The following DPYSL4 variants were observed in gnomAD, a reference collection of about 807,000 sequenced individuals.
DPYSL4 encodes the protein dihydropyrimidinase like 4.
DPYSL4 carries 43 observed loss-of-function variants against 63.4 expected under a neutral mutation model. The observed-to-expected ratio is 0.68, with a 90% confidence interval of 0.53 to 0.88. The LOEUF (loss-of-function observed/expected upper bound fraction) is 0.88. Among genes scored for constraint, DPYSL4 ranks in the 40% least tolerant of loss-of-function variants. The pLI, the probability that DPYSL4 is intolerant of heterozygous loss-of-function variation, is 0.00. For missense variants in DPYSL4, 733 were observed against 819.5 expected (o/e 0.89, Z 1.29); for synonymous variants, 353 against 331.7 (o/e 1.06, Z -0.70).
Position 132,187,854 on chromosome 10 carries a change from G to C in DPYSL4, c.39+752G>C, listed in dbSNP as rs556131496. 3.3e-4 allele frequency among the ~76,000 whole-genome samples: 50 copies of C among 152,308 alleles called. No homozygotes were observed. In the South Asian group the frequency reaches 3.9e-3, roughly 12 times the overall value. On this transcript the variant is annotated intron_variant, in intron 1 of 13. Coordinates refer to ENST00000338492, the MANE Select transcript of DPYSL4 (RefSeq NM_006426.3). The stretch of plus-strand genomic sequence containing the variant: ...AGAAACAAAGCCTCCCCGCTCGGGC[G>C]GGGGGAGATGGGGGTGGGAGGAAGG...
Position 132,196,871 on chromosome 10 carries a change from C to T in DPYSL4, c.489C>T (p.Ser163=), listed in dbSNP as rs1272409068. 2 of 1,613,648 alleles carry T rather than the reference C, an allele frequency of 1.2e-6. No homozygotes were observed. Among genetic ancestry groups the T allele is most frequent in the Admixed American group, 1.7e-5 (1 of 60,010 alleles). ...CTGCCTCTTCTCCAGGTGTGAACTC[C>T]TTCCTGGTCTTCATGGCATACAAGG... ...EALVKEKGVN[S]FLVFMAYKDR... Residue 163 remains serine, a synonymous_variant, in exon 5 of 14, where the codon TCC becomes TCT. Transcript: ENST00000338492.
rs114445641 is a variant in DPYSL4, at chr10:132,200,308, G to C, written c.812-48G>C. The C allele has an allele frequency of 2.0e-3, 3,178 of 1,605,830 alleles. 48 individuals carry two copies. In the African/African-American group the frequency reaches 0.03, roughly 15 times the overall value. On this transcript the variant is annotated intron_variant, in intron 8 of 13. Transcript: ENST00000338492. ...GCAGCAGCAGTTCTCGGGGCCCCAG[G>C]GGGTGCAGGTGGTCGGTGGGGCACC... is the stretch of plus-strand genomic sequence containing the variant.
intron 4 of DPYSL4, among the ~76,000 whole-genome samples, chr10:132,196,159 G>GGTGACAA (rs2061941132): frequency 6.6e-6 from 1 of 152,246 alleles, no homozygotes; most frequent in African/African-American, 2.4e-5. Flanking sequence ...AGATGCCATG[G>GGTGACAA]GTTGGGTGGG....
chr10:132,187,220 G>A (rs1007697962), intron 1 of DPYSL4, 118 bp downstream of exon 1: 15 of 673,654 alleles, frequency 2.2e-5, no homozygotes, highest in Non-Finnish European at 3.3e-5. Context: ...TTTGCGTCTG[G>A]TCCCTGTCCT....
At chr10:132,201,741 C>T (rs1239389472) in intron 10 of DPYSL4, among the ~76,000 whole-genome samples, 1 of 152,098 alleles carries the variant, frequency 6.6e-6, no homozygotes, top group African/African-American at 2.4e-5. Flanking sequence ...TGTGGGGTCC[C>T]AGCGGTCCAG....
In DPYSL4 at chr10:132,204,228, G is replaced by T. The variant is rs564093968; in HGVS notation, c.1627+301G>T. Among the ~76,000 whole-genome samples, 5 of 152,310 alleles carry T rather than the reference G, an allele frequency of 3.3e-5. No homozygotes were observed. The East Asian group carries it at 9.6e-4, about 29-fold the overall frequency. On this transcript the variant is annotated intron_variant, in intron 13 of 13. Transcript: ENST00000338492. ...AGTGAGCATGGATCCAGCCTCAGGGGAGGTGGGAGGCCTTGACGAGGATCT... is the reference window on the plus strand; with the variant it reads ...AGTGAGCATGGATCCAGCCTCAGGGTAGGTGGGAGGCCTTGACGAGGATCT...
In DPYSL4 at chr10:132,200,363, C is replaced by T. The variant is rs201859563; in HGVS notation, c.819C>T (p.Val273=). Residue 273 remains valine, a synonymous_variant, in exon 9 of 14, where the codon GTC becomes GTT. Transcript: ENST00000338492. The part of the protein sequence containing the change: ...AIAQAKRRGV[V]VFGEPITASL... ...ATGGGCCTCGTGCTGCAGGGGTGGT[C>T]GTGTTTGGGGAGCCCATCACCGCCA... is the stretch of plus-strand genomic sequence containing the variant. 5.3e-5 allele frequency: 86 copies of T among 1,613,168 alleles called. 1 individual carries two copies. The highest frequency in any genetic ancestry group is 7.0e-5 in the Non-Finnish European group (82 of 1,179,840).
intron 1 of DPYSL4, among the ~76,000 whole-genome samples, chr10:132,188,024 T>C (rs1238500425): frequency 6.6e-6 from 1 of 152,036 alleles, no homozygotes; most frequent in Non-Finnish European, 1.5e-5. Context: ...TCCCCCAGAC[T>C]CTGAGCGAGG....
At chr10:132,198,616 G>T in intron 7 of DPYSL4, 133 bp downstream of exon 7, 1 of 1,075,838 alleles carries the variant, frequency 9.3e-7, no homozygotes, top group Non-Finnish European at 1.3e-6. Context: ...TGGGAGGCGT[G>T]AATCCTCCCC....
chr10:132,199,728 G>A (rs1191386862), intron 8 of DPYSL4, among the ~76,000 whole-genome samples: 1 of 152,030 alleles, frequency 6.6e-6, no homozygotes, highest in Non-Finnish European at 1.5e-5. Context: ...CCTTCTATGT[G>A]TTTCCTGCAT....
intron 13 of DPYSL4, 30 bp from the exon 14 acceptor site, chr10:132,204,809 C>G (rs1469390131): frequency 1.9e-6 from 3 of 1,574,094 alleles, no homozygotes; most frequent in Non-Finnish European, 2.6e-6. Context: ...CTGCCTCATT[C>G]TCCCCTGCCC....
intron 2 of DPYSL4, among the ~76,000 whole-genome samples, chr10:132,191,814 A>G (rs4880344): frequency 0.24 from 11,953 of 50,848 alleles, 1,416 homozygotes; most frequent in East Asian, 0.71. Context: ...GTGTGTACAC[A>G]CTGGTCACGT....
intron 1 of DPYSL4, among the ~76,000 whole-genome samples, chr10:132,188,918 C>T (rs1025345300): frequency 6.6e-6 from 1 of 152,172 alleles, no homozygotes; most frequent in African/African-American, 2.4e-5. Flanking sequence ...CATAGTCTGC[C>T]AACCGTTTGT....
At chr10:132,187,886 C>G (rs2061826683) in intron 1 of DPYSL4, among the ~76,000 whole-genome samples, 1 of 152,164 alleles carries the variant, frequency 6.6e-6, no homozygotes, top group Non-Finnish European at 1.5e-5. Flanking sequence ...AAGGAGGCTT[C>G]GGGACCCGGC....
In DPYSL4 at chr10:132,200,438, C is replaced by T. The variant is rs371212445; in HGVS notation, c.894C>T (p.Ala298=). The T allele has an allele frequency of 1.2e-5, 20 of 1,613,468 alleles. No individual in the cohort carries two copies. Among genetic ancestry groups the T allele is most frequent in the Middle Eastern group, 3.3e-4 (2 of 6,084 alleles). Reference sequence around the variant, plus strand: ...ACTGGAGCAAGAACTGGGCCAAGGCCGCAGCCTTCGTCACATCACCCCCTG... The same window carrying T: ...ACTGGAGCAAGAACTGGGCCAAGGCTGCAGCCTTCGTCACATCACCCCCTG... ...SHYWSKNWAK[A]AAFVTSPPVN... The change falls in exon 9 of 14, where the codon GCC becomes GCT. Residue 298 remains alanine (A), a synonymous_variant. Coordinates refer to ENST00000338492, the MANE Select transcript of DPYSL4 (RefSeq NM_006426.3).
intron 4 of DPYSL4, among the ~76,000 whole-genome samples, 167 bp downstream of exon 4, chr10:132,195,176 C>T (rs1445828208): frequency 6.6e-6 from 1 of 152,140 alleles, no homozygotes; most frequent in African/African-American, 2.4e-5. Flanking sequence ...CCTTCAAAGG[C>T]TCTAGACCAA....
intron 4 of DPYSL4, among the ~76,000 whole-genome samples, chr10:132,195,460 T>G (rs1443538026): frequency 6.6e-6 from 1 of 152,174 alleles, no homozygotes; most frequent in African/African-American, 2.4e-5. Flanking sequence ...CAGAGTTTCA[T>G]AGTGGGTTTG....
chr10:132,193,215 A>G (rs943764983), intron 3 of DPYSL4, among the ~76,000 whole-genome samples: 1 of 152,232 alleles, frequency 6.6e-6, no homozygotes, highest in East Asian at 1.9e-4. Flanking sequence ...CTTGAGCCAC[A>G]TGCCTCGGAA....
chr10:132,189,762 T>C (rs1038827299), intron 1 of DPYSL4, among the ~76,000 whole-genome samples: 10 of 152,152 alleles, frequency 6.6e-5, no homozygotes, highest in African/African-American at 2.4e-4. Context: ...CGGCTCCCAC[T>C]GTTACCTGTC....
Sources: gnomAD v4.1 joint callset for allele counts (sites outside exome capture counted in the v4.1 genomes callset) on GRCh38, gnomAD v4.1.1 for gene constraint, MANE v1.5 for transcripts, NCBI Gene and HGNC (gene_info 2026-07-23, HGNC 2026-07-21) for gene names.